Variants in MYCBP2 observed in about 807,000 individuals in gnomAD.
MYCBP2 encodes the protein MYC binding protein 2.
A neutral mutation model predicts 525.3 loss-of-function variants in MYCBP2; 120 were observed. The ratio of observed to expected loss-of-function variants is 0.23; its 90% CI spans 0.20 to 0.27. The LOEUF is 0.27. Ranked by LOEUF, MYCBP2 falls within the 10% of genes least tolerant of loss-of-function variation. The probability of loss-of-function intolerance (pLI) is 1.00; values close to 1 mark genes in which losing one functional copy is unlikely to be tolerated. For missense variants in MYCBP2, 4,149 were observed against 5,657.1 expected (o/e 0.73, Z 8.55); for synonymous variants, 1,894 against 1,955.8 (o/e 0.97, Z 0.83).
rs1344827349 is a variant in MYCBP2, at chr13:77,326,446, C to A, written c.302+28G>T. 1 of 1,521,080 alleles carries A rather than the reference C, an allele frequency of 6.6e-7. No individual in the cohort carries two copies. Among genetic ancestry groups the A allele is most frequent in the South Asian group, 1.2e-5 (1 of 80,938 alleles). 94.2% of individuals were successfully genotyped at this position (1,521,080 alleles called of 1,614,324 possible). On this transcript the variant is annotated intron_variant, in intron 1 of 82. Coordinates refer to ENST00000544440, the MANE Select transcript of MYCBP2 (RefSeq NM_015057.5). The surrounding 1 kb of genome is among the most constrained non-coding windows in gnomAD (Gnocchi z 4.2). ...GGGCGCAAGGAAGGGCGGCATGGGGCGCAAGGAAGGGCACCCTGGGGACGC... is the reference window on the plus strand; with the variant it reads ...GGGCGCAAGGAAGGGCGGCATGGGGAGCAAGGAAGGGCACCCTGGGGACGC...
At chr13:77,186,802 ATTTTT>A (rs5804893) in intron 30 of MYCBP2, among the ~76,000 whole-genome samples, 3 of 120,466 alleles carry the variant, frequency 2.5e-5, no homozygotes, top group African/African-American at 6.2e-5. Flanking sequence ...TATAGATTCA[ATTTTT>A]TTTTTTTTTT....
intron 16 of MYCBP2, 115 bp from the exon 17 acceptor site, chr13:77,243,275 C>T (rs2069202550): frequency 1.4e-5 from 11 of 803,110 alleles, no homozygotes; most frequent in Non-Finnish European, 2.3e-5. Context: ...GTCTAAAACA[C>T]ACAATATTTT....
chr13:77,326,615 C>A lies in MYCBP2; in HGVS notation c.161G>T (p.Gly54Val). ...ACCCCGGGAGTCCGCGGCGGGTAGC[C>A]CCAGCCCCAGCCCCGCAGCAGCCAC... ...GSVAAAGLGL[G>V]LPAADSRGHY... Residue 54 changes from glycine to valine, a missense_variant, in exon 1 of 83, where the codon GGG becomes GTG. By Grantham distance (109) the Gly-to-Val change is moderately radical. Transcript: ENST00000544440. This position sits in a 1 kb window ranked among gnomAD's most constrained non-coding sequence, Gnocchi z 4.2. 1 of 1,565,320 alleles carries A rather than the reference C, an allele frequency of 6.4e-7. No individual in the cohort carries two copies. Among genetic ancestry groups the A allele is most frequent in the Non-Finnish European group, 8.6e-7 (1 of 1,159,128 alleles).
intron 40 of MYCBP2, among the ~76,000 whole-genome samples, 191 bp from the exon 41 acceptor site, chr13:77,166,745 A>G (rs1260876781): frequency 1.3e-5 from 2 of 152,210 alleles, no homozygotes; most frequent in African/African-American, 4.8e-5. Context: ...CAGAGATAAA[A>G]GCTAGATTTG....
At chr13:77,279,118 C>T (rs868346937) in intron 3 of MYCBP2, among the ~76,000 whole-genome samples, 6 of 152,208 alleles carry the variant, frequency 3.9e-5, no homozygotes, top group Admixed American at 3.9e-4. Context: ...TATTAATTTG[C>T]AAAGTTCATT....
chr13:77,147,062 C>A (rs1036020192), intron 47 of MYCBP2, among the ~76,000 whole-genome samples: 2 of 152,124 alleles, frequency 1.3e-5, no homozygotes, highest in Non-Finnish European at 2.9e-5. Flanking sequence ...CCTATAGCTA[C>A]ACGGCTGAAC....
At chr13:77,226,674 GTTTA>G (rs1200772974) in intron 18 of MYCBP2, among the ~76,000 whole-genome samples, 1 of 152,102 alleles carries the variant, frequency 6.6e-6, no homozygotes, top group Non-Finnish European at 1.5e-5. Flanking sequence ...ATCATTTTGT[GTTTA>G]TTCTTTTTTT....
chr13:77,054,141 T>C (rs548771758), intron 80 of MYCBP2, among the ~76,000 whole-genome samples: 1 of 151,866 alleles, frequency 6.6e-6, no homozygotes, highest in Admixed American at 6.6e-5. Context: ...AGCATGTGTG[T>C]ATGGGGTTGG....
chr13:77,053,576 A>G (rs2037274943), intron 80 of MYCBP2, among the ~76,000 whole-genome samples: 1 of 152,140 alleles, frequency 6.6e-6, no homozygotes, highest in Admixed American at 6.5e-5. Context: ...TCACTTTTCT[A>G]TATCCTCTGC....
At chr13:77,154,924 A>C (rs367551047) in intron 46 of MYCBP2, among the ~76,000 whole-genome samples, 7 of 152,202 alleles carry the variant, frequency 4.6e-5, no homozygotes, top group Admixed American at 1.3e-4. Flanking sequence ...AATAAGATAG[A>C]GAAAGCATCA....
chr13:77,221,253 C>T (rs77280083), intron 20 of MYCBP2, among the ~76,000 whole-genome samples: 2,048 of 152,182 alleles, frequency 0.013, 47 homozygotes, highest in African/African-American at 0.046. Context: ...CATATTGCTA[C>T]AATATTATTA....
chr13:77,198,122 G>A (rs1289573761), intron 26 of MYCBP2, among the ~76,000 whole-genome samples: 1 of 152,146 alleles, frequency 6.6e-6, no homozygotes, highest in East Asian at 1.9e-4. Flanking sequence ...TCTAACGTGA[G>A]GATGAATCAA....
chr13:77,222,634 C>G (rs2065752908), intron 20 of MYCBP2, among the ~76,000 whole-genome samples: 1 of 152,122 alleles, frequency 6.6e-6, no homozygotes, highest in Non-Finnish European at 1.5e-5. Flanking sequence ...GGACCACTCC[C>G]CACCCCTGTC....
intron 54 of MYCBP2, among the ~76,000 whole-genome samples, chr13:77,122,753 T>C (rs1159517142): frequency 1.3e-5 from 2 of 151,584 alleles, no homozygotes; most frequent in African/African-American, 4.9e-5. Flanking sequence ...AGACAGGGTG[T>C]GGTAGAGTGT....
intron 21 of MYCBP2, among the ~76,000 whole-genome samples, chr13:77,214,623 TG>T (rs1455215003): frequency 6.6e-6 from 1 of 152,166 alleles, no homozygotes; most frequent in East Asian, 1.9e-4. Context: ...GACAGGGATA[TG>T]TTCTGAAATA....
intron 66 of MYCBP2, 70 bp downstream of exon 66, chr13:77,078,754 A>G: frequency 2.4e-6 from 3 of 1,251,530 alleles, no homozygotes; most frequent in Non-Finnish European, 3.5e-6. Context: ...GGTGGAATTC[A>G]ATAGTGAAGG....
At chr13:77,260,708 T>C (rs2073126708) in intron 12 of MYCBP2, 116 bp from the exon 13 acceptor site, 1 of 920,394 alleles carries the variant, frequency 1.1e-6, no homozygotes, top group East Asian at 3.0e-5. Context: ...ACACTATTTG[T>C]TTATTTTCAC....
At chr13:77,205,085 C>T (rs1046038595) in intron 26 of MYCBP2, among the ~76,000 whole-genome samples, 171 bp downstream of exon 26, 4 of 151,728 alleles carry the variant, frequency 2.6e-5, no homozygotes, top group Non-Finnish European at 4.4e-5. Context: ...TTTAGTATTA[C>T]TGTATTCGAT....
intron 78 of MYCBP2, among the ~76,000 whole-genome samples, chr13:77,057,814 A>C (rs2154067338): frequency 6.7e-6 from 1 of 149,274 alleles, no homozygotes; most frequent in South Asian, 2.1e-4. Flanking sequence ...AGTGATATAA[A>C]AAAAGATTTC....
Sources: allele counts gnomAD v4.1 joint callset (sites outside exome capture counted in the v4.1 genomes callset), GRCh38; gene constraint gnomAD v4.1.1; non-coding constraint Gnocchi (gnomAD v3.1); transcripts MANE v1.5; gene names NCBI Gene and HGNC (gene_info 2026-07-23, HGNC 2026-07-21).